The following ADAM33 variants were observed in gnomAD, a reference collection of about 807,000 sequenced individuals.
ADAM33 encodes disintegrin and metalloproteinase domain-containing protein 33.
ADAM33 carries 103 observed loss-of-function variants against 106.2 expected under a neutral mutation model. That is an observed-to-expected ratio of 0.97 (90% CI 0.83 to 1.14). ADAM33 has a LOEUF of 1.14. Among genes scored for constraint, ADAM33 ranks in the 50% most tolerant of loss-of-function variants. ADAM33 has a pLI of 0.00. For missense variants in ADAM33, 1,120 were observed against 1,096.6 expected (o/e 1.02, Z -0.30); for synonymous variants, 483 against 453.0 (o/e 1.07, Z -0.84).
At chr20:3,672,937 TC>T in intron 11 of ADAM33, 39 bp from the exon 12 acceptor site, 1 of 1,500,382 alleles carries the variant, frequency 6.7e-7, no homozygotes. Context: ...GGAGGGACAG[TC>T]CCCCAACCCC....
At chr20:3,677,970 C>T (rs2088125207) in intron 2 of ADAM33, among the ~76,000 whole-genome samples, 1 of 152,220 alleles carries the variant, frequency 6.6e-6, no homozygotes, top group South Asian at 2.1e-4. Context: ...GACTCCTTTT[C>T]TCCAAAAATG....
rs1326608878 is a variant in ADAM33, at chr20:3,672,871, G to A, written c.1161C>T (p.Ala387=). Reference sequence around the variant, plus strand: ...AGGCGCGCAGCTGGCGGCGGCTGCAGGCGCTGAACACGCGCGGAAACGGGT... The same window carrying A: ...AGGCGCGCAGCTGGCGGCGGCTGCAAGCGCTGAACACGCGCGGAAACGGGT... The part of the protein sequence containing the change: ...TGHPFPRVFS[A]CSRRQLRAFF... Residue 387 remains alanine (A), a synonymous_variant, in exon 12 of 22, where the codon GCC becomes GCT. Transcript: ENST00000356518. The A allele has an allele frequency of 1.3e-6, 2 of 1,577,774 alleles. No homozygotes were observed. Among genetic ancestry groups the A allele is most frequent in the African/African-American group, 1.4e-5 (1 of 73,882 alleles).
chr20:3,672,174 A>G lies in ADAM33; in HGVS notation c.1557T>C (p.Cys519=), dbSNP rs556083898. Residue 519 remains cysteine (C), a synonymous_variant, in exon 14 of 22, where the codon TGT becomes TGC. Transcript: ENST00000356518. ...GCTGGCACTGCTGCTCCAGCGTGGG[A>G]CATGCGCCATCCCAGCAGTAGCCAC... ...RGSGYCWDGA[C]PTLEQQCQQL... 3 of 1,613,224 alleles carry G rather than the reference A, an allele frequency of 1.9e-6. No homozygotes were observed. Among genetic ancestry groups the G allele is most frequent in the East Asian group, 4.5e-5 (2 of 44,874 alleles).
In ADAM33 at chr20:3,672,260, T is replaced by A. The variant is rs765426516; in HGVS notation, c.1471A>T (p.Thr491Ser). The A allele has an allele frequency of 1.2e-6, 2 of 1,612,494 alleles. No homozygotes were observed. ...DCDLPEFCTG[T>S]SSHCPPDVYL... ...ACGTCTGGGGGACAGTGGGAGGAGG[T>A]GCCCGTGCAAAACTCAGGGAGGTCA... Residue 491 changes from threonine (T) to serine (S), a missense_variant, in exon 14 of 22, where the codon ACC (threonine) becomes TCC (serine). Transcript: ENST00000356518.
chr20:3,674,439 G>A lies in ADAM33; in HGVS notation c.600+65C>T, dbSNP rs544032039. ...TGGGACTCGAGGCCTGTGAATTCCC[G>A]TCTCTTCTGATTTGGAGGGCTATAG... On this transcript the variant is annotated intron_variant, in intron 6 of 21. Coordinates refer to ENST00000356518, the MANE Select transcript of ADAM33 (RefSeq NM_025220.5). 282 of 1,602,498 alleles carry A rather than the reference G, an allele frequency of 1.8e-4. 2 individuals are homozygous for A. In the Middle Eastern group the frequency reaches 3.7e-3, roughly 21 times the overall value.
chr20:3,672,575 C>G lies in ADAM33; in HGVS notation c.1363G>C (p.Ala455Pro). The G allele has an allele frequency of 1.2e-6, 2 of 1,613,458 alleles. No homozygotes were observed. Among genetic ancestry groups the G allele is most frequent in the South Asian group, 2.2e-5 (2 of 91,062 alleles). The change falls in exon 13 of 22, where the codon GCC (alanine) becomes CCC (proline). Residue 455 changes from alanine (A) to proline (P), a missense_variant. Transcript: ENST00000356518. ...CAGCAGTCCCCGTGGGCGCACTGGGCCCCCGGGCGCAGCGAGCAGTTGTGA... is the reference window on the plus strand; with the variant it reads ...CAGCAGTCCCCGTGGGCGCACTGGGGCCCCGGGCGCAGCGAGCAGTTGTGA... ...FAHNCSLRPG[A>P]QCAHGDCCVR...
rs369298734 is a variant in ADAM33 at position 3,674,936 on chromosome 20, C to G, written c.334-87G>C. On this transcript the variant is annotated intron_variant, in intron 4 of 21. Coordinates refer to ENST00000356518, the MANE Select transcript of ADAM33 (RefSeq NM_025220.5). ...AGGGTGTGGTAGGGGCTGGCTCCAA[C>G]CGCCCCTTAGGAATGCAAGGAGGAG... The G allele has an allele frequency of 8.1e-6, 13 of 1,608,660 alleles. No individual in the cohort carries two copies. The African/African-American group carries it at 1.3e-4, about 17-fold the overall frequency.
chr20:3,681,595 G>A (rs1237583689), intron 1 of ADAM33, among the ~76,000 whole-genome samples: 2 of 137,426 alleles, frequency 1.5e-5, no homozygotes, highest in African/African-American at 2.7e-5. Flanking sequence ...AGGAAGAGGG[G>A]GCTACGGCTA....
intron 14 of ADAM33, 54 bp downstream of exon 14, chr20:3,672,080 C>T: frequency 6.3e-7 from 1 of 1,587,846 alleles, no homozygotes; most frequent in Non-Finnish European, 8.6e-7. Flanking sequence ...CAGTAGAAAA[C>T]TGGCCCCACC....
At position 3,674,810 on chromosome 20, in the gene ADAM33, C is replaced by A. The variant is rs776750383; in HGVS notation, c.373G>T (p.Asp125Tyr). ...HYQGRVRGFPDSWVVLCTCSG... is the reference protein window; with the variant it reads ...HYQGRVRGFPYSWVVLCTCSG... ...CAGGTGCAGAGGACTACCCAGGAGT[C>A]GGGGAAGCCCCTTACTCGCCCTTGG... Residue 125 changes from aspartate (D) to tyrosine (Y), a missense_variant, in exon 5 of 22, where the codon GAC (aspartate) becomes TAC (tyrosine). Coordinates refer to ENST00000356518, the MANE Select transcript of ADAM33 (RefSeq NM_025220.5). 2.5e-6 allele frequency: 4 copies of A among 1,611,124 alleles called. No homozygotes were observed. In the South Asian group the frequency reaches 3.3e-5, roughly 13 times the overall value.
At chr20:3,681,632 G>C (rs1156621735) in intron 1 of ADAM33, among the ~76,000 whole-genome samples, 2 of 136,350 alleles carry the variant, frequency 1.5e-5, no homozygotes, top group Admixed American at 7.6e-5. Flanking sequence ...CTGCCCCCGA[G>C]GGGGAGGGAG....
intron 3 of ADAM33, 82 bp downstream of exon 3, chr20:3,676,985 A>T: frequency 1.4e-6 from 2 of 1,459,700 alleles, no homozygotes; most frequent in Non-Finnish European, 1.9e-6. Context: ...CTGCCCATCC[A>T]GCCACCCGCA....
intron 2 of ADAM33, 80 bp from the exon 3 acceptor site, chr20:3,677,223 G>T (rs573974033): frequency 3.9e-6 from 5 of 1,276,234 alleles, no homozygotes; most frequent in African/African-American, 3.1e-5. Flanking sequence ...CTGTGGAGCC[G>T]GCTGGGGAGG....
At chr20:3,670,686 G>C (rs1384725656) in intron 19 of ADAM33, 1 of 343,712 alleles carries the variant, frequency 2.9e-6, no homozygotes, top group African/African-American at 2.1e-5. Flanking sequence ...ACTGCAATCT[G>C]AGCCAGGGAA....
chr20:3,677,080 G>C lies in ADAM33; in HGVS notation c.241C>G (p.Leu81Val). ...EAEGQELLLE[L>V]EKNHRLLAPG... ...CCTGGCACTCACTGGTTCTTCTCCA[G>C]CTCAAGCAGGAGCTCCTGGCCTTCA... is the stretch of plus-strand genomic sequence containing the variant. Residue 81 changes from leucine to valine, a missense_variant, in exon 3 of 22, where the codon CTG becomes GTG. Leu to Val is a conservative substitution (Grantham distance 32). Transcript: ENST00000356518. 6.2e-7 allele frequency: 1 copy of C among 1,612,854 alleles called. No homozygotes were observed. The highest frequency in any genetic ancestry group is 8.5e-7 in the Non-Finnish European group (1 of 1,179,704).
intron 14 of ADAM33, 25 bp from the exon 15 acceptor site, chr20:3,672,010 G>A: frequency 1.3e-6 from 2 of 1,553,126 alleles, no homozygotes; most frequent in Non-Finnish European, 1.7e-6. Flanking sequence ...GCCAGGCTGG[G>A]GGCAGCTCGG....
chr20:3,670,362 G>C (rs2087454104), intron 19 of ADAM33: 2 of 160,122 alleles, frequency 1.2e-5, no homozygotes, highest in Admixed American at 5.9e-5. Context: ...GGCTATGTCA[G>C]ACATGGCCAC....
rs763969276 is a variant in ADAM33 at position 3,671,746 on chromosome 20, AC to A, written c.1739del (p.Gly580ValfsTer20). 1 of 1,576,098 alleles carries A rather than the reference AC, an allele frequency of 6.3e-7. No homozygotes were observed. The highest frequency in any genetic ancestry group is 1.2e-5 in the South Asian group (1 of 86,042). On this transcript the variant is annotated frameshift_variant, in exon 16 of 22. Transcript: ENST00000356518. LOFTEE classifies it high-confidence loss of function. ...GCGGTGCGAGCAGGCTGGGCTTTCCACCCTGGCACTGCAGCTTCCCACACAG... is the reference window on the plus strand; with the variant it reads ...GCGGTGCGAGCAGGCTGGGCTTTCCACCTGGCACTGCAGCTTCCCACACAG... ...DALCGKLQCQ[G>X]GKPSLLAPHM... is the part of the protein sequence containing the mutation.
chr20:3,680,560 G>A (rs2088398514), intron 1 of ADAM33, among the ~76,000 whole-genome samples: 1 of 152,206 alleles, frequency 6.6e-6, no homozygotes, highest in East Asian at 1.9e-4. Context: ...ATTGCCATCA[G>A]GCAGATGAGG....
Sources: allele counts gnomAD v4.1 joint callset (sites outside exome capture counted in the v4.1 genomes callset), GRCh38; gene constraint gnomAD v4.1.1; transcripts MANE v1.5; gene names NCBI Gene and HGNC (gene_info 2026-07-23, HGNC 2026-07-21).